Variants in FSIP1 observed in about 807,000 individuals in gnomAD.
FSIP1 encodes fibrous sheath-interacting protein 1.
A neutral mutation model predicts 60.9 loss-of-function variants in FSIP1; 65 were observed. The observed-to-expected ratio is 1.07, with a 90% confidence interval of 0.87 to 1.31. The LOEUF (loss-of-function observed/expected upper bound fraction) is 1.31, where lower values mean the gene tolerates loss of function less well. Ranked by LOEUF, FSIP1 falls within the 40% of genes most tolerant of loss-of-function variation. The probability of loss-of-function intolerance (pLI) is 0.00; values close to 1 mark genes in which losing one functional copy is unlikely to be tolerated. For missense variants in FSIP1, 675 were observed against 665.5 expected (o/e 1.01, Z -0.16); for synonymous variants, 209 against 221.2 (o/e 0.94, Z 0.49).
chr15:39,636,130 C>G (rs1028437234), intron 10 of FSIP1, among the ~76,000 whole-genome samples: 23 of 152,310 alleles, frequency 1.5e-4, no homozygotes, highest in African/African-American at 5.5e-4. Context: ...GAATTTCTAG[C>G]AGCTCATTGG....
intron 5 of FSIP1, among the ~76,000 whole-genome samples, chr15:39,754,462 T>C (rs146832786): frequency 2.4e-4 from 37 of 152,000 alleles, no homozygotes; most frequent in Non-Finnish European, 3.7e-4. Flanking sequence ...AGGAAAATAA[T>C]GACACCATGG....
intron 10 of FSIP1, among the ~76,000 whole-genome samples, chr15:39,706,376 C>T (rs1004448819): frequency 2.0e-5 from 3 of 152,158 alleles, no homozygotes; most frequent in Non-Finnish European, 2.9e-5. Context: ...AATGATATCA[C>T]ATTTGTCATT....
chr15:39,654,495 T>C (rs191771371), intron 10 of FSIP1, among the ~76,000 whole-genome samples: 4 of 152,344 alleles, frequency 2.6e-5, no homozygotes, highest in African/African-American at 9.6e-5. Flanking sequence ...TACTAAATGT[T>C]TGAAATATTG....
At position 39,666,659 on chromosome 15, in the gene FSIP1, C is replaced by G. The variant is rs1488418228; in HGVS notation, c.1188+46785G>C. 2.6e-5 allele frequency among the ~76,000 whole-genome samples: 4 copies of G among 152,318 alleles called. No homozygotes were observed. In the East Asian group the frequency reaches 7.7e-4, roughly 29 times the overall value. On this transcript the variant is annotated intron_variant, in intron 10 of 11. Transcript: ENST00000350221. ...ACTATACAGAGTCCCTCATTTTCAG[C>G]TGCTCCACATCTAAGTGTTCTCGTG...
intron 10 of FSIP1, among the ~76,000 whole-genome samples, chr15:39,663,217 C>T (rs1036845563): frequency 3.9e-5 from 6 of 152,146 alleles, no homozygotes; most frequent in Admixed American, 6.5e-5. Flanking sequence ...TACTTGAAAA[C>T]GAGTAGCGCA....
At chr15:39,645,550 C>A (rs1037836316) in intron 10 of FSIP1, among the ~76,000 whole-genome samples, 1 of 152,068 alleles carries the variant, frequency 6.6e-6, no homozygotes, top group African/African-American at 2.4e-5. Context: ...CTGGGTGCAG[C>A]TGGAGCCACG....
At chr15:39,707,070 C>T (rs1895302333) in intron 10 of FSIP1, among the ~76,000 whole-genome samples, 1 of 152,134 alleles carries the variant, frequency 6.6e-6, no homozygotes, top group Non-Finnish European at 1.5e-5. Context: ...CCACCAGTTC[C>T]CCTGCCCCCA....
chr15:39,769,384 A>G (rs1349122335), intron 3 of FSIP1, among the ~76,000 whole-genome samples: 1 of 152,170 alleles, frequency 6.6e-6, no homozygotes, highest in Non-Finnish European at 1.5e-5. Context: ...CTCAAATTTT[A>G]CCATTGGCAA....
intron 10 of FSIP1, among the ~76,000 whole-genome samples, chr15:39,643,792 T>C (rs1892473959): frequency 6.6e-6 from 1 of 152,236 alleles, no homozygotes; most frequent in Admixed American, 6.5e-5. Flanking sequence ...AAAGTGCCTT[T>C]GCAGTTTACT....
At chr15:39,739,206 C>T (rs74008705) in intron 7 of FSIP1, among the ~76,000 whole-genome samples, 3,271 of 152,258 alleles carry the variant, frequency 0.021, 116 homozygotes, top group African/African-American at 0.072. Context: ...AGAGAAGAGG[C>T]GGACAACCAG....
At chr15:39,712,175 T>C (rs1045867557) in intron 10 of FSIP1, among the ~76,000 whole-genome samples, 7 of 150,940 alleles carry the variant, frequency 4.6e-5, no homozygotes, top group Admixed American at 4.6e-4. Context: ...TTAGGGGGCC[T>C]GAGCTCCTGT....
At chr15:39,643,651 A>G (rs12914638) in intron 10 of FSIP1, among the ~76,000 whole-genome samples, 5,397 of 152,308 alleles carry the variant, frequency 0.035, 124 homozygotes, top group Middle Eastern at 0.082. Flanking sequence ...GCTTCTAGAT[A>G]TATCTGGGGA....
chr15:39,665,501 C>A (rs1893461458), intron 10 of FSIP1, among the ~76,000 whole-genome samples: 1 of 152,086 alleles, frequency 6.6e-6, no homozygotes, highest in African/African-American at 2.4e-5. Context: ...AGCAGGGTAC[C>A]ACTTAACACT....
intron 10 of FSIP1, among the ~76,000 whole-genome samples, chr15:39,669,667 T>A (rs1326444997): frequency 1.3e-5 from 2 of 152,238 alleles, no homozygotes; most frequent in East Asian, 3.8e-4. Context: ...CAGATAACTT[T>A]GGAAGAAAGT....
At chr15:39,645,742 C>T (rs1037343978) in intron 10 of FSIP1, among the ~76,000 whole-genome samples, 3 of 152,134 alleles carry the variant, frequency 2.0e-5, no homozygotes, top group African/African-American at 7.3e-5. Context: ...AGGTTCCCTG[C>T]CCCTGTCCCT....
At chr15:39,736,378 A>G (rs1266573347) in intron 8 of FSIP1, among the ~76,000 whole-genome samples, 1 of 152,192 alleles carries the variant, frequency 6.6e-6, no homozygotes, top group Non-Finnish European at 1.5e-5. Flanking sequence ...ATTATGTGTG[A>G]TATTCTGTAG....
intron 1 of FSIP1, among the ~76,000 whole-genome samples, chr15:39,779,790 A>G (rs1195105252): frequency 6.6e-6 from 1 of 152,236 alleles, no homozygotes; most frequent in African/African-American, 2.4e-5. Flanking sequence ...TGCAATCAAC[A>G]TAGATGATTT....
At chr15:39,724,767 G>A (rs1325865693) in intron 9 of FSIP1, among the ~76,000 whole-genome samples, 3 of 152,140 alleles carry the variant, frequency 2.0e-5, no homozygotes, top group African/African-American at 7.2e-5. Context: ...TAAGACCACA[G>A]TTCAGCTCTG....
At chr15:39,754,243 G>A (rs867997254) in intron 5 of FSIP1, among the ~76,000 whole-genome samples, 2 of 152,120 alleles carry the variant, frequency 1.3e-5, no homozygotes, top group Non-Finnish European at 2.9e-5. Context: ...CTTGGAAGCC[G>A]ATTCTCCAAC....
Sources: gnomAD v4.1 joint callset for allele counts (sites outside exome capture counted in the v4.1 genomes callset) on GRCh38, gnomAD v4.1.1 for gene constraint, MANE v1.5 for transcripts, NCBI Gene and HGNC (gene_info 2026-07-23, HGNC 2026-07-21) for gene names.